The following PTPRZ1 variants were observed in gnomAD, a reference collection of about 807,000 sequenced individuals.
PTPRZ1 encodes protein tyrosine phosphatase receptor type Z1.
A neutral mutation model predicts 214.1 loss-of-function variants in PTPRZ1; 82 were observed. The ratio of observed to expected loss-of-function variants is 0.38; its 90% CI spans 0.32 to 0.46. The LOEUF (loss-of-function observed/expected upper bound fraction) is 0.46. Ranked by LOEUF, PTPRZ1 falls within the 20% of genes least tolerant of loss-of-function variation. The probability of loss-of-function intolerance (pLI) is 1.00; values close to 1 mark genes in which losing one functional copy is unlikely to be tolerated. For missense variants in PTPRZ1, 2,603 were observed against 2,748.7 expected, an observed-to-expected ratio of 0.95 and a Z score of 1.19; for synonymous variants, 945 against 987.9, an observed-to-expected ratio of 0.96 and a Z score of 0.81.
intron 13 of PTPRZ1, among the ~76,000 whole-genome samples, chr7:122,028,053 A>G (rs1356823805): frequency 6.6e-6 from 1 of 152,106 alleles, no homozygotes; most frequent in Non-Finnish European, 1.5e-5. Flanking sequence ...TGTGTAGGTA[A>G]TTTCTACATA....
intron 1 of PTPRZ1, among the ~76,000 whole-genome samples, chr7:121,876,032 A>G (rs897493146): frequency 2.0e-5 from 3 of 152,200 alleles, no homozygotes; most frequent in Non-Finnish European, 4.4e-5. Context: ...TCCAGGAACA[A>G]GTTGTAGAGT....
rs764934722 is a variant in PTPRZ1, at chr7:122,012,293, G to A, written c.3247G>A (p.Ala1083Thr). ...NMYDNVNKLNASLQETSVSIS... is the reference protein window; with the variant it reads ...NMYDNVNKLNTSLQETSVSIS... ...GTATGATAATGTAAATAAGTTGAAT[G>A]CGTCTTTACAAGAAACCTCTGTTTC... Residue 1083 changes from alanine (A) to threonine (T), a missense_variant, in exon 12 of 30, where the codon GCG becomes ACG. By Grantham distance (58) the Ala-to-Thr change is moderately conservative (BLOSUM62 0). Coordinates refer to ENST00000393386, the MANE Select transcript of PTPRZ1 (RefSeq NM_002851.3). 5.1e-5 allele frequency: 83 copies of A among 1,614,044 alleles called. No individual in the cohort carries two copies. Among genetic ancestry groups the A allele is most frequent in the Non-Finnish European group, 6.9e-5 (81 of 1,180,034 alleles).
intron 15 of PTPRZ1, chr7:122,032,103 T>G (rs898395414): frequency 6.6e-6 from 1 of 152,180 alleles, no homozygotes; most frequent in Non-Finnish European, 1.5e-5. Flanking sequence ...GTTAAAATAC[T>G]CTTAGACAGA....
Position 121,997,993 on chromosome 7 carries a change from T to C in PTPRZ1, c.1227T>C (p.Pro409=), listed in dbSNP as rs1351290603. Residue 409 remains proline (P), a synonymous_variant, in exon 10 of 30, where the codon CCT becomes CCC. Transcript: ENST00000393386. ...KYSDQLIVDM[P]TDNPELDLFP... ...GCGACCAACTGATTGTCGACATGCCTACTGATAATCCTGGTAAGTGCCACC... is the reference window on the plus strand; with the variant it reads ...GCGACCAACTGATTGTCGACATGCCCACTGATAATCCTGGTAAGTGCCACC... 1.9e-6 allele frequency: 3 copies of C among 1,612,908 alleles called. No individual in the cohort carries two copies. In the South Asian group the frequency reaches 3.3e-5, roughly 18 times the overall value.
At chr7:121,908,300 T>C (rs1438370945) in intron 1 of PTPRZ1, 1 of 241,204 alleles carries the variant, frequency 4.1e-6, no homozygotes, top group African/African-American at 2.4e-5. Context: ...GTTCCACCAC[T>C]CCTGTAGCAG....
intron 11 of PTPRZ1, among the ~76,000 whole-genome samples, 170 bp from the exon 12 acceptor site, chr7:122,010,164 G>C (rs966821225): frequency 1.3e-5 from 2 of 152,144 alleles, no homozygotes; most frequent in Non-Finnish European, 2.9e-5. Flanking sequence ...CTCCCCTGTA[G>C]AGCGGATGGT....
At chr7:122,000,721 C>G (rs1294033683) in intron 10 of PTPRZ1, among the ~76,000 whole-genome samples, 2 of 128,470 alleles carry the variant, frequency 1.6e-5, no homozygotes, top group Non-Finnish European at 3.2e-5. Flanking sequence ...GAGTCTTGCT[C>G]TGTCACCCAG....
chr7:122,044,616 C>G (rs1273382050), intron 23 of PTPRZ1, 48 bp downstream of exon 23: 1 of 1,580,082 alleles, frequency 6.3e-7, no homozygotes. Flanking sequence ...AACTGAATGT[C>G]CCTGCATCTT....
At chr7:121,908,369 G>A in intron 1 of PTPRZ1, 11 of 245,924 alleles carry the variant, frequency 4.5e-5, no homozygotes, top group Non-Finnish European at 7.3e-5. Context: ...CTTTGGAAAA[G>A]AATATCAACT....
chr7:122,051,885 C>A lies in PTPRZ1; in HGVS notation c.6198C>A (p.Gly2066=). The A allele has an allele frequency of 6.2e-7, 1 of 1,612,196 alleles. No individual in the cohort carries two copies. Residue 2066 remains glycine, a synonymous_variant, in exon 25 of 30, where the codon GGC becomes GGA. Coordinates refer to ENST00000393386, the MANE Select transcript of PTPRZ1 (RefSeq NM_002851.3). ...TTCCAGTGGAAAGATCAAGGGTTGG[C>A]ATTTCATCCCTGAGTGGAGAAGGCA... The part of the protein sequence containing the change: ...SIIPVERSRV[G]ISSLSGEGTD...
chr7:121,905,805 A>AT (rs1215889351), intron 1 of PTPRZ1, among the ~76,000 whole-genome samples: 4 of 152,088 alleles, frequency 2.6e-5, no homozygotes, highest in East Asian at 3.9e-4. Flanking sequence ...ATCTGGAAGC[A>AT]TTTTTTTGAT....
intron 3 of PTPRZ1, among the ~76,000 whole-genome samples, chr7:121,968,626 G>A (rs1797117586): frequency 6.9e-6 from 1 of 144,222 alleles, no homozygotes; most frequent in South Asian, 2.2e-4. Flanking sequence ...TCTTTTTATT[G>A]AGCCTATCTT....
chr7:122,039,310 C>T (rs1799642683), intron 19 of PTPRZ1, 144 bp from the exon 20 acceptor site: 2 of 906,672 alleles, frequency 2.2e-6, no homozygotes. Context: ...CAACTAATTT[C>T]AGTCACTTAT....
At chr7:121,938,693 A>G (rs759994544) in intron 2 of PTPRZ1, among the ~76,000 whole-genome samples, 2 of 152,134 alleles carry the variant, frequency 1.3e-5, no homozygotes, top group Non-Finnish European at 2.9e-5. Context: ...AACAAGGAGA[A>G]AGTATTTACA....
In PTPRZ1 at chr7:122,012,944, A is replaced by T; in HGVS notation, c.3898A>T (p.Ile1300Phe). ...GTTGTTCCAAACGGCCAATTTGGAG[A>T]TTAACCAGGCCCATCCCCCAAAAGG... ...DELFQTANLE[I>F]NQAHPPKGRH... is the part of the protein sequence containing the mutation. The change falls in exon 12 of 30, where the codon ATT (isoleucine) becomes TTT (phenylalanine). Residue 1300 changes from isoleucine (I) to phenylalanine (F), a missense_variant. Coordinates refer to ENST00000393386, the MANE Select transcript of PTPRZ1 (RefSeq NM_002851.3). 1.2e-6 allele frequency: 2 copies of T among 1,614,086 alleles called. No homozygotes were observed. Among genetic ancestry groups the T allele is most frequent in the Non-Finnish European group, 1.7e-6 (2 of 1,179,936 alleles).
At chr7:121,961,670 T>G (rs1419984531) in intron 2 of PTPRZ1, among the ~76,000 whole-genome samples, 1 of 152,238 alleles carries the variant, frequency 6.6e-6, no homozygotes, top group Non-Finnish European at 1.5e-5. Context: ...ATGCAAATAT[T>G]GAAGACATTC....
intron 15 of PTPRZ1, among the ~76,000 whole-genome samples, chr7:122,032,904 G>T (rs1419258676): frequency 6.6e-6 from 1 of 152,012 alleles, no homozygotes; most frequent in Non-Finnish European, 1.5e-5. Context: ...TGACAGGCTA[G>T]AGGTTACGCA....
rs759055136 is a variant in PTPRZ1, at chr7:121,976,815, G to A, written c.583G>A (p.Ala195Thr). Reference sequence around the variant, plus strand: ...GACAGAAGAAAATTTGGATTTCAAAGCGATTATTGATGGAGTCGAAAGTGT... The same window carrying A: ...GACAGAAGAAAATTTGGATTTCAAAACGATTATTGATGGAGTCGAAAGTGT... ...VGTEENLDFKAIIDGVESVSR... is the reference protein window; with the variant it reads ...VGTEENLDFKTIIDGVESVSR... The change falls in exon 6 of 30, where the codon GCG (alanine) becomes ACG (threonine). Residue 195 changes from alanine (A) to threonine (T), a missense_variant. Ala to Thr is a moderately conservative substitution (Grantham distance 58, BLOSUM62 0). This residue lies in a region of PTPRZ1 where 244 missense variants were observed against 333.2 expected (regional missense o/e 0.73). Coordinates refer to ENST00000393386, the MANE Select transcript of PTPRZ1 (RefSeq NM_002851.3). The A allele has an allele frequency of 6.2e-7, 1 of 1,611,120 alleles. No individual in the cohort carries two copies. Among genetic ancestry groups the A allele is most frequent in the South Asian group, 1.1e-5 (1 of 90,650 alleles).
intron 1 of PTPRZ1, among the ~76,000 whole-genome samples, chr7:121,894,521 T>C (rs1297630498): frequency 6.6e-6 from 1 of 152,142 alleles, no homozygotes. Flanking sequence ...TCCTCCCACC[T>C]CAGCCTCCTG....
Sources: gnomAD v4.1 joint callset for allele counts (sites outside exome capture counted in the v4.1 genomes callset) on GRCh38, gnomAD v4.1.1 for gene constraint, gnomAD v4.1.1 regional missense constraint, MANE v1.5 for transcripts, NCBI Gene and HGNC (gene_info 2026-07-23, HGNC 2026-07-21) for gene names.